Variants in ACTN1 observed in about 807,000 individuals in gnomAD.
ACTN1 encodes actinin alpha 1.
ACTN1 carries 30 observed loss-of-function variants against 119.6 expected under a neutral mutation model. The observed-to-expected ratio is 0.25, with a 90% CI of 0.19 to 0.34. The LOEUF is 0.34. ACTN1 is among the 10% of genes least tolerant of loss of function. The pLI, the probability that ACTN1 is intolerant of heterozygous loss-of-function variation, is 1.00. For synonymous variants in ACTN1, 429 were observed against 472.6 expected (o/e 0.91, Z 1.20); for missense variants, 764 against 1,223.4 (o/e 0.62, Z 5.60).
In ACTN1 at chr14:68,879,804, G is replaced by T; in HGVS notation, c.2280+158C>A. 6.7e-6 allele frequency: 7 copies of T among 1,048,324 alleles called. No individual in the cohort carries two copies. The highest frequency in any genetic ancestry group is 6.8e-6 in the Non-Finnish European group (5 of 739,814). 64.9% of individuals were successfully genotyped at this position (1,048,324 alleles called of 1,614,324 possible). A position where few individuals can be genotyped will look rare whatever the true frequency, so the allele number is the denominator to read the frequency against. On this transcript the variant is annotated intron_variant, in intron 18 of 21. Transcript: ENST00000394419. The surrounding 1 kb of genome is among the most constrained non-coding windows in gnomAD (Gnocchi z 4.9). ...CACCAACACAGGTTTTCCAAGGCTG[G>T]TTTTGCAGGGTGCATTGAGTCAGGG...
chr14:68,881,955 T>TTTTTTTTTTTTGTGA (rs58500225), intron 16 of ACTN1, among the ~76,000 whole-genome samples: 1 of 103,002 alleles, frequency 9.7e-6, no homozygotes. Flanking sequence ...TTTTTTTTTT[T>TTTTTTTTTTTTGTGA]GACAGAGTCT....
intron 8 of ACTN1, among the ~76,000 whole-genome samples, chr14:68,899,609 C>T (rs1340265155): frequency 5.3e-5 from 8 of 152,034 alleles, no homozygotes; most frequent in African/African-American, 1.9e-4. Flanking sequence ...TCAGAACCCC[C>T]CATACCCATA....
At chr14:68,963,391 G>A (rs564137990) in intron 1 of ACTN1, among the ~76,000 whole-genome samples, 14 of 152,156 alleles carry the variant, frequency 9.2e-5, no homozygotes, top group Non-Finnish European at 1.9e-4. Flanking sequence ...GTTAAGTCTG[G>A]GTGGCAAGCA....
At chr14:68,875,800 C>A (rs1213526155) in intron 21 of ACTN1, among the ~76,000 whole-genome samples, 1 of 152,242 alleles carries the variant, frequency 6.6e-6, no homozygotes, top group Non-Finnish European at 1.5e-5. Flanking sequence ...TAGTTTTCCT[C>A]CTCTACAAAA....
rs779546942 is a variant in ACTN1, at chr14:68,879,027, G to C, written c.2323C>G (p.Leu775Val). 6.2e-7 allele frequency: 1 copy of C among 1,613,304 alleles called. No homozygotes were observed. The highest frequency in any genetic ancestry group is 8.5e-7 in the Non-Finnish European group (1 of 1,179,836). The change falls in exon 19 of 22, where the codon CTC becomes GTC. Residue 775 changes from leucine to valine, a missense_variant. Leu to Val is a conservative substitution (Grantham distance 32, BLOSUM62 1). This residue lies in a region of ACTN1 where 544 missense variants were observed against 912.0 expected (regional missense o/e 0.60). Transcript: ENST00000394419. This position sits in a 1 kb window ranked among gnomAD's most constrained non-coding sequence, Gnocchi z 4.9. ...CCAATATCATAACCCAAGCTGATGA[G>C]GCAGGCTTTGAACTCCTCGGGACCC... ...TLGPEEFKACLISLGYDIGND... is the reference protein window; with the variant it reads ...TLGPEEFKACVISLGYDIGND...
At chr14:68,966,698 C>T (rs2036717949) in intron 1 of ACTN1, among the ~76,000 whole-genome samples, 1 of 152,274 alleles carries the variant, frequency 6.6e-6, no homozygotes, top group Admixed American at 6.5e-5. Context: ...CCACACCCCT[C>T]GGGATACTGT....
In ACTN1 at chr14:68,902,582, G is replaced by C; in HGVS notation, c.677-20C>G. ...CGATGTCTGTCAAGAAAAATCTGGA[G>C]TTAAAGCCAGCTGGTTCCAAGAACA... On this transcript the variant is annotated intron_variant, in intron 7 of 21. Coordinates refer to ENST00000394419, the MANE Select transcript of ACTN1 (RefSeq NM_001130004.2). 1 of 1,609,650 alleles carries C rather than the reference G, an allele frequency of 6.2e-7. No individual in the cohort carries two copies. The highest frequency in any genetic ancestry group is 8.5e-7 in the Non-Finnish European group (1 of 1,176,292).
At chr14:68,888,316 C>CCA (rs2032192606) in intron 11 of ACTN1, 1 of 286,368 alleles carries the variant, frequency 3.5e-6, no homozygotes, top group African/African-American at 2.2e-5. Context: ...ACTTCTCATG[C>CCA]CCCTGCTGGT....
intron 2 of ACTN1, among the ~76,000 whole-genome samples, chr14:68,924,568 G>A (rs953421415): frequency 1.3e-5 from 2 of 152,226 alleles, no homozygotes; most frequent in African/African-American, 2.4e-5. Context: ...GAGGCACCGC[G>A]GGCTGAGGGC....
intron 1 of ACTN1, among the ~76,000 whole-genome samples, chr14:68,965,556 G>GA (rs1456888487): frequency 6.6e-6 from 1 of 152,178 alleles, no homozygotes; most frequent in African/African-American, 2.4e-5. Context: ...CCCACCCCCA[G>GA]ACACACCTGG....
Position 68,880,154 on chromosome 14 carries a change from G to T in ACTN1, c.2134-46C>A, listed in dbSNP as rs2031359765. ...TGTCAGCAAAGGGGTCCCAGGCCTG[G>T]GCTCCTGGCGGCCCCTGCCCATCCT... On this transcript the variant is annotated intron_variant, in intron 17 of 21. Coordinates refer to ENST00000394419, the MANE Select transcript of ACTN1 (RefSeq NM_001130004.2). This position sits in a 1 kb window ranked among gnomAD's most constrained non-coding sequence, Gnocchi z 4.6. The T allele has an allele frequency of 1.3e-6, 2 of 1,595,106 alleles. No individual in the cohort carries two copies. The highest frequency in any genetic ancestry group is 2.7e-5 in the African/African-American group (2 of 74,438).
chr14:68,886,223 G>C (rs1427050516), intron 11 of ACTN1: 1 of 152,212 alleles, frequency 6.6e-6, no homozygotes, highest in African/African-American at 2.4e-5. Context: ...CACAGGATGG[G>C]GGCTGGCCCA....
chr14:68,881,955 T>TTTTTTTTGG (rs58500225), intron 16 of ACTN1, among the ~76,000 whole-genome samples: 1 of 103,002 alleles, frequency 9.7e-6, no homozygotes, highest in African/African-American at 4.4e-5. Flanking sequence ...TTTTTTTTTT[T>TTTTTTTTGG]GACAGAGTCT....
At position 68,874,600 on chromosome 14, in the gene ACTN1, T is replaced by G; in HGVS notation, c.*259A>C. 14 of 327,592 alleles carry G rather than the reference T, an allele frequency of 4.3e-5. No individual in the cohort carries two copies. Among genetic ancestry groups the G allele is most frequent in the Middle Eastern group, 1.6e-3 (2 of 1,246 alleles). The allele number at this position is 327,592 out of a possible 1,614,324, so 20.3% of individuals were successfully genotyped here. On this transcript the variant is annotated 3_prime_UTR_variant, in exon 22 of 22. Coordinates refer to ENST00000394419, the MANE Select transcript of ACTN1 (RefSeq NM_001130004.2). ...AGTTAATCTTTCCTCTTTTTTTCCA[T>G]TTGTCTGGTGGAGAAAAAATACTTT... is the stretch of plus-strand genomic sequence containing the variant.
At chr14:68,890,025 T>C in intron 11 of ACTN1, 114 bp downstream of exon 11, 2 of 1,470,624 alleles carry the variant, frequency 1.4e-6, no homozygotes, top group Non-Finnish European at 1.8e-6. Flanking sequence ...ATGGAACTAG[T>C]AAGAGACCAA....
Position 68,896,052 on chromosome 14 carries a change from G to A in ACTN1, c.763-2305C>T, listed in dbSNP as rs1300878244. 2.0e-5 allele frequency among the ~76,000 whole-genome samples: 3 copies of A among 152,182 alleles called. No individual in the cohort carries two copies. In the East Asian group the frequency reaches 5.8e-4, roughly 29 times the overall value. The stretch of plus-strand genomic sequence containing the variant: ...ACCATCCATTATAACCAGTGAACCA[G>A]CCTTCAGAAATAACACACAAGTACC... On this transcript the variant is annotated intron_variant, in intron 8 of 21. Transcript: ENST00000394419.
chr14:68,949,001 G>A (rs1186506622), intron 1 of ACTN1, among the ~76,000 whole-genome samples: 1 of 152,216 alleles, frequency 6.6e-6, no homozygotes, highest in Non-Finnish European at 1.5e-5. Flanking sequence ...AGCTGCTCTG[G>A]GGCCCAACTT....
chr14:68,901,275 T>G (rs1566617083), intron 8 of ACTN1, among the ~76,000 whole-genome samples: 1 of 137,152 alleles, frequency 7.3e-6, no homozygotes, highest in Non-Finnish European at 1.5e-5. Flanking sequence ...TGAGACAGAG[T>G]CTGACTCTGT....
chr14:68,964,773 A>G (rs1040180441), intron 1 of ACTN1, among the ~76,000 whole-genome samples: 84 of 152,318 alleles, frequency 5.5e-4, no homozygotes, highest in African/African-American at 1.9e-3. Context: ...AGTGCTGGAC[A>G]TGCGGTAATA....
Sources: allele counts gnomAD v4.1 joint callset (sites outside exome capture counted in the v4.1 genomes callset), GRCh38; gene constraint gnomAD v4.1.1; regional missense constraint gnomAD v4.1.1; non-coding constraint Gnocchi (gnomAD v3.1); transcripts MANE v1.5; gene names NCBI Gene and HGNC (gene_info 2026-07-23, HGNC 2026-07-21).